RBFOX1: variants seen among roughly 807,000 people sequenced by gnomAD.
RBFOX1 encodes RNA binding fox-1 homolog 1.
In RBFOX1, 8 loss-of-function variants were observed where a neutral mutation model predicts 57.7. The observed-to-expected ratio is 0.14, with a 90% CI of 0.08 to 0.25. The LOEUF is 0.25. Ranked by LOEUF, RBFOX1 falls within the 10% of genes least tolerant of loss-of-function variation. RBFOX1 has a pLI of 1.00. For missense variants in RBFOX1, 611 were observed against 548.5 expected, an observed-to-expected ratio of 1.11 and a Z score of -1.14; for synonymous variants, 326 against 222.4, an observed-to-expected ratio of 1.47 and a Z score of -4.15.
At chr16:7,304,576 G>T (rs1009614718) in intron 4 of RBFOX1, 32 of 985,272 alleles carry the variant, frequency 3.2e-5, no homozygotes, top group Admixed American at 6.2e-5. Flanking sequence ...GGTGCCTTAT[G>T]TAGGTTCTGA....
At chr16:5,766,959 A>C (rs1365960649) in intron 3 of RBFOX1, among the ~76,000 whole-genome samples, 1 of 152,152 alleles carries the variant, frequency 6.6e-6, no homozygotes, top group Non-Finnish European at 1.5e-5. Flanking sequence ...AGCTCTTTAC[A>C]TTTAGTTCCC....
rs565540905 is a variant in RBFOX1 at position 7,639,255 on chromosome 16, C to G, written c.757+8572C>G. On this transcript the variant is annotated intron_variant, in intron 11 of 15. Transcript: ENST00000550418. ...CCAGGATCTTCTGTCTGAACTGTTT[C>G]CATTTCTATCCCCACACTTTCAACA... Among the ~76,000 whole-genome samples the G allele has an allele frequency of 2.1e-4, 32 of 152,252 alleles. No homozygotes were observed. The South Asian group carries it at 5.6e-3, about 27-fold the overall frequency.
chr16:6,088,983 C>T (rs1302990506), intron 1 of RBFOX1, among the ~76,000 whole-genome samples: 1 of 151,418 alleles, frequency 6.6e-6, no homozygotes, highest in East Asian at 1.9e-4. Context: ...GTAATCCCAG[C>T]TACTCGAGAG....
rs574861611 is a variant in RBFOX1 at position 6,279,016 on chromosome 16, T to A, written c.-126-37979T>A. 3.9e-5 allele frequency among the ~76,000 whole-genome samples: 6 copies of A among 152,290 alleles called. No individual in the cohort carries two copies. In the South Asian group the frequency reaches 1.0e-3, roughly 26 times the overall value. The stretch of plus-strand genomic sequence containing the variant: ...CTAAAATTTTATTAGACATTTTTCT[T>A]AGTGCAAAATTAATTGATCCTGGTG... On this transcript the variant is annotated intron_variant, in intron 1 of 15. Coordinates refer to ENST00000550418, the MANE Select transcript of RBFOX1 (RefSeq NM_018723.4).
chr16:6,009,888 C>G (rs931145095), intron 4 of RBFOX1, among the ~76,000 whole-genome samples: 8 of 151,020 alleles, frequency 5.3e-5, no homozygotes, highest in Non-Finnish European at 1.2e-4. Flanking sequence ...CTTCCTGAAT[C>G]AGAATCTCCA....
At chr16:5,861,908 G>C (rs1428620525) in intron 3 of RBFOX1, among the ~76,000 whole-genome samples, 2 of 152,272 alleles carry the variant, frequency 1.3e-5, no homozygotes, top group Non-Finnish European at 2.9e-5. Flanking sequence ...TAGTCCTTCT[G>C]GTTGCTGCCT....
intron 6 of RBFOX1, among the ~76,000 whole-genome samples, chr16:7,581,096 C>T (rs554905907): frequency 5.3e-5 from 8 of 152,272 alleles, no homozygotes; most frequent in African/African-American, 4.8e-5. Context: ...CTTATACACA[C>T]GTGATGCTTA....
At chr16:7,207,113 C>A (rs1489887491) in intron 4 of RBFOX1, among the ~76,000 whole-genome samples, 2 of 152,176 alleles carry the variant, frequency 1.3e-5, no homozygotes, top group African/African-American at 4.8e-5. Flanking sequence ...TTCAAATCAC[C>A]CCATCCATCT....
At chr16:7,245,698 C>T (rs544261875) in intron 4 of RBFOX1, among the ~76,000 whole-genome samples, 27 of 152,228 alleles carry the variant, frequency 1.8e-4, no homozygotes, top group African/African-American at 6.5e-4. Context: ...AAGATGTTTG[C>T]CTGCTCACTT....
chr16:5,787,054 T>G (rs770432618), intron 3 of RBFOX1, among the ~76,000 whole-genome samples: 2 of 152,086 alleles, frequency 1.3e-5, no homozygotes, highest in Non-Finnish European at 2.9e-5. Flanking sequence ...GAGAATTGCT[T>G]AAACAGGAGG....
intron 4 of RBFOX1, among the ~76,000 whole-genome samples, chr16:7,063,447 C>T (rs1049010533): frequency 2.0e-5 from 3 of 152,128 alleles, no homozygotes; most frequent in Non-Finnish European, 4.4e-5. Context: ...CTTCAAAGGC[C>T]ACTGAGAATG....
rs1373198115 is a variant in RBFOX1, at chr16:6,089,096, T to TGA, written c.-127+69105_-127+69106dup. Among the ~76,000 whole-genome samples, 459 of 150,384 alleles carry TGA rather than the reference T, an allele frequency of 3.1e-3. 6 individuals are homozygous for TGA. The highest frequency in any genetic ancestry group is 0.011 in the African/African-American group (438 of 41,022). On this transcript the variant is annotated intron_variant, in intron 1 of 15. Coordinates refer to ENST00000550418, the MANE Select transcript of RBFOX1 (RefSeq NM_018723.4). Reference sequence around the variant, plus strand: ...AAAAAAAAATATATATATATATATATGATCCTAAAAAGACATTGATATTAA... The same window carrying TGA: ...AAAAAAAAATATATATATATATATATGAGATCCTAAAAAGACATTGATATTAA...
chr16:6,343,076 T>C (rs958937478), intron 2 of RBFOX1, among the ~76,000 whole-genome samples: 1 of 152,184 alleles, frequency 6.6e-6, no homozygotes, highest in African/African-American at 2.4e-5. Flanking sequence ...GGAGGAGAAG[T>C]GACAATTTAA....
intron 2 of RBFOX1, among the ~76,000 whole-genome samples, chr16:6,340,840 G>T (rs1236235522): frequency 6.6e-6 from 1 of 152,140 alleles, no homozygotes; most frequent in Non-Finnish European, 1.5e-5. Flanking sequence ...ATATGGAGTT[G>T]CCCTTGTTCA....
intron 3 of RBFOX1, among the ~76,000 whole-genome samples, chr16:5,638,216 G>C (rs1488516482): frequency 1.3e-5 from 2 of 152,206 alleles, no homozygotes; most frequent in Non-Finnish European, 2.9e-5. Flanking sequence ...TAAGAAGAGT[G>C]AGGTTTGGAA....
chr16:6,843,320 A>G (rs950134134), intron 3 of RBFOX1, among the ~76,000 whole-genome samples: 1 of 152,088 alleles, frequency 6.6e-6, no homozygotes, highest in Non-Finnish European at 1.5e-5. Flanking sequence ...TCTGGAGCAA[A>G]TAGAGAAAAC....
At chr16:5,669,507 A>G (rs1447577224) in intron 3 of RBFOX1, among the ~76,000 whole-genome samples, 8 of 143,590 alleles carry the variant, frequency 5.6e-5, no homozygotes, top group African/African-American at 2.1e-4. Flanking sequence ...GCAACCTCCA[A>G]CTCCCTGGTT....
chr16:5,271,961 T>C (rs1386489100), intron 1 of RBFOX1, among the ~76,000 whole-genome samples: 4 of 152,240 alleles, frequency 2.6e-5, no homozygotes, highest in Non-Finnish European at 5.9e-5. Context: ...AGTATTCCGT[T>C]GTGTGTATAT....
intron 4 of RBFOX1, among the ~76,000 whole-genome samples, chr16:5,919,827 C>T (rs2058782077): frequency 1.3e-5 from 2 of 152,324 alleles, no homozygotes; most frequent in Admixed American, 1.3e-4. Flanking sequence ...TATAGATTCA[C>T]TTTGCTGGGT....
Sources: allele counts gnomAD v4.1 joint callset (sites outside exome capture counted in the v4.1 genomes callset), GRCh38; gene constraint gnomAD v4.1.1; transcripts MANE v1.5; gene names NCBI Gene and HGNC (gene_info 2026-07-23, HGNC 2026-07-21).